The following XCR1 variants were observed in gnomAD, a reference collection of about 807,000 sequenced individuals.
The protein encoded by XCR1 is chemokine XC receptor 1.
For missense variants in XCR1, 356 were observed against 424.2 expected (o/e 0.84, Z 1.41); for synonymous variants, 187 against 188.5 (o/e 0.99, Z 0.06).
chr3:46,079,279 T>C (rs1559497092), intron 1 of XCR1, among the ~76,000 whole-genome samples: 2 of 152,130 alleles, frequency 1.3e-5, no homozygotes, highest in Non-Finnish European at 2.9e-5. Flanking sequence ...TCATCAACAA[T>C]GGCCAAAATG....
At chr3:46,034,539 T>C (rs1258243534) in intron 5 of XCR1, among the ~76,000 whole-genome samples, 1 of 152,192 alleles carries the variant, frequency 6.6e-6, no homozygotes. Flanking sequence ...GCTCCTATTC[T>C]TAGGGGAAAC....
At chr3:46,064,058 A>G (rs1193102820) in intron 4 of XCR1, among the ~76,000 whole-genome samples, 1 of 152,124 alleles carries the variant, frequency 6.6e-6, no homozygotes, top group East Asian at 1.9e-4. Context: ...TTTTTAGTAG[A>G]GACAAAGTCT....
intron 5 of XCR1, among the ~76,000 whole-genome samples, chr3:46,042,645 G>T (rs1697556094): frequency 6.6e-6 from 1 of 152,116 alleles, no homozygotes; most frequent in Non-Finnish European, 1.5e-5. Context: ...AACCTGAATG[G>T]ACCTATAACA....
At chr3:46,029,148 G>T (rs1270365038), upstream of XCR1, among the ~76,000 whole-genome samples, 1 of 152,132 alleles carries the variant, frequency 6.6e-6, no homozygotes, top group African/African-American at 2.4e-5. Context: ...CAAGATTGGA[G>T]ACATATAGAT....
upstream of XCR1, among the ~76,000 whole-genome samples, chr3:46,029,196 C>G (rs1304956956): frequency 6.6e-6 from 1 of 152,060 alleles, no homozygotes; most frequent in African/African-American, 2.4e-5. Flanking sequence ...CATCTATGGT[C>G]AATTGATTTT....
At chr3:46,032,525 A>C (rs1708416550) in intron 5 of XCR1, among the ~76,000 whole-genome samples, 1 of 152,198 alleles carries the variant, frequency 6.6e-6, no homozygotes, top group Admixed American at 6.5e-5. Context: ...CATGGGATAC[A>C]GGCTGGTAGT....
rs145171928 is a variant in XCR1 at position 46,043,558 on chromosome 3, G to A, written c.-32+10362C>T. ...TACTCACTGGTAAAAGATTGAAAAC[G>A]TTTGCCCTAAGATCAGGAATAAAAT... is the stretch of plus-strand genomic sequence containing the variant. On this transcript the variant is annotated intron_variant, in intron 5 of 5. Transcript: ENST00000683768. Among the ~76,000 whole-genome samples the A allele has an allele frequency of 3.7e-4, 56 of 151,930 alleles. 1 individual carries two copies. Among genetic ancestry groups the A allele is most frequent in the African/African-American group, 1.1e-3 (45 of 41,454 alleles).
At chr3:46,072,735 A>G (rs1413155640) in intron 3 of XCR1, among the ~76,000 whole-genome samples, 1 of 152,242 alleles carries the variant, frequency 6.6e-6, no homozygotes, top group African/African-American at 2.4e-5. Context: ...TCATTAGAAA[A>G]ATGATGTTGA....
In XCR1 at chr3:46,073,491, G is replaced by A. The variant is rs149238947; in HGVS notation, c.-263+1160C>T. Among the ~76,000 whole-genome samples the A allele has an allele frequency of 7.7e-3, 1,173 of 152,252 alleles. 14 individuals are homozygous for A. The highest frequency in any genetic ancestry group is 0.027 in the African/African-American group (1,112 of 41,540). On this transcript the variant is annotated intron_variant, in intron 3 of 5. Coordinates refer to the XCR1 transcript ENST00000683768. ...TAATCCCAGCTACTTGGGAGGCTGA[G>A]GCATGAGAATTGCTTGAAGCCTGAG...
intron 5 of XCR1, among the ~76,000 whole-genome samples, chr3:46,043,753 C>CAT (rs1302078181): frequency 6.9e-6 from 1 of 143,920 alleles, no homozygotes. Flanking sequence ...CACACACACA[C>CAT]ACACACACAA....
At chr3:46,074,480 T>TG (rs1698221511) in intron 3 of XCR1, among the ~76,000 whole-genome samples, 1 of 151,764 alleles carries the variant, frequency 6.6e-6, no homozygotes, top group Non-Finnish European at 1.5e-5. Context: ...GAGGTAGTGG[T>TG]GGGGGGTGAA....
chr3:46,033,511 G>T (rs1575415187), intron 5 of XCR1, among the ~76,000 whole-genome samples: 2 of 152,214 alleles, frequency 1.3e-5, no homozygotes, highest in East Asian at 3.9e-4. Flanking sequence ...CTATTTCTGG[G>T]CTCTCTGTTA....
intron 5 of XCR1, among the ~76,000 whole-genome samples, chr3:46,045,363 C>A (rs188223390): frequency 6.6e-6 from 1 of 151,496 alleles, no homozygotes; most frequent in Admixed American, 6.6e-5. Flanking sequence ...GAGCCGAGAT[C>A]GCGCCAGAGT....
At chr3:46,077,829 A>G (rs969163369) in intron 1 of XCR1, among the ~76,000 whole-genome samples, 1 of 152,210 alleles carries the variant, frequency 6.6e-6, no homozygotes, top group Non-Finnish European at 1.5e-5. Context: ...ACACAGGAAC[A>G]GAATACCAAA....
chr3:46,066,745 G>A (rs933958722), intron 4 of XCR1, among the ~76,000 whole-genome samples: 12 of 152,230 alleles, frequency 7.9e-5, no homozygotes, highest in African/African-American at 2.9e-4. Flanking sequence ...TGGGTCTGGA[G>A]TTAGACCACG....
chr3:46,061,184 C>T (rs1016676400), intron 4 of XCR1, among the ~76,000 whole-genome samples: 1 of 152,228 alleles, frequency 6.6e-6, no homozygotes, highest in Non-Finnish European at 1.5e-5. Context: ...GAACAAAACA[C>T]TGCCTCTTCC....
At chr3:46,053,514 C>T (rs1368278916) in intron 5 of XCR1, among the ~76,000 whole-genome samples, 2 of 152,184 alleles carry the variant, frequency 1.3e-5, no homozygotes, top group African/African-American at 4.8e-5. Context: ...GGTGGGACAA[C>T]AGATTCTTTC....
intron 1 of XCR1, among the ~76,000 whole-genome samples, chr3:46,083,757 TA>T (rs1269662610): frequency 6.6e-6 from 1 of 152,214 alleles, no homozygotes; most frequent in African/African-American, 2.4e-5. Context: ...AGGAGGTGGA[TA>T]TGTGGTGGCA....
intron 5 of XCR1, among the ~76,000 whole-genome samples, chr3:46,046,599 A>G (rs756018538): frequency 2.0e-5 from 3 of 152,154 alleles, no homozygotes; most frequent in Non-Finnish European, 4.4e-5. Context: ...CTTTCTGTTT[A>G]TGTATTAATT....
Sources: gnomAD v4.1 joint callset for allele counts (sites outside exome capture counted in the v4.1 genomes callset) on GRCh38, gnomAD v4.1.1 for gene constraint, MANE v1.5 for transcripts, NCBI Gene and HGNC (gene_info 2026-07-23, HGNC 2026-07-21) for gene names.